Variants in APC observed in about 807,000 individuals in gnomAD.
The protein encoded by APC is adenomatous polyposis coli protein.
A neutral mutation model predicts 247.0 loss-of-function variants in APC; 72 were observed. That is an observed-to-expected ratio of 0.29 (90% CI 0.24 to 0.35). The LOEUF (loss-of-function observed/expected upper bound fraction) is 0.35. APC is among the 10% of genes least tolerant of loss of function. APC has a pLI of 1.00. For missense variants in APC, 3,400 were observed against 3,360.7 expected, an observed-to-expected ratio of 1.01 and a Z score of -0.29; for synonymous variants, 1,254 against 1,162.5, an observed-to-expected ratio of 1.08 and a Z score of -1.60.
chr5:112,777,981 G>A (rs114135009), intron 5 of APC: 2,384 of 186,674 alleles, frequency 0.013, 37 homozygotes, highest in Non-Finnish European at 0.014. Flanking sequence ...AATTAACCCT[G>A]AACCATCTAA....
intron 1 of APC, among the ~76,000 whole-genome samples, chr5:112,750,003 C>T (rs527853438): frequency 7.5e-6 from 1 of 132,658 alleles, no homozygotes; most frequent in Non-Finnish European, 1.5e-5. Flanking sequence ...TGCTCTGTCT[C>T]CCTGGCTGGA....
At chr5:112,807,598 T>G (rs925283219) in intron 8 of APC, among the ~76,000 whole-genome samples, 3 of 152,088 alleles carry the variant, frequency 2.0e-5, no homozygotes, top group Non-Finnish European at 4.4e-5. Flanking sequence ...TCTCTGGTAA[T>G]AGCCAGTATA....
At position 112,827,192 on chromosome 5, in the gene APC, G is replaced by C. The variant is rs1364012761; in HGVS notation, c.1493G>C (p.Arg498Thr). The C allele has an allele frequency of 3.1e-6, 5 of 1,613,792 alleles. No individual in the cohort carries two copies. The change falls in exon 12 of 16, where the codon AGA becomes ACA. Residue 498 changes from arginine to threonine, a missense_variant. Around this residue, in one of 9 missense-constraint regions of APC, gnomAD observed 199 missense variants for 212.5 expected, o/e 0.94. Coordinates refer to ENST00000257430, the MANE Select transcript of APC (RefSeq NM_000038.6). ...LTNDHYSITL[R>T]RYAGMALTNL... The stretch of plus-strand genomic sequence containing the variant: ...AATGACCACTACAGTATTACACTAA[G>C]ACGATATGCTGGAATGGCTTTGACA...
rs863224537 is a variant in APC at position 112,827,139 on chromosome 5, A to G, written c.1440A>G (p.Gln480=). 5 of 1,613,628 alleles carry G rather than the reference A, an allele frequency of 3.1e-6. No individual in the cohort carries two copies. In the Admixed American group the frequency reaches 5.0e-5, roughly 16 times the overall value. Reference sequence around the variant, plus strand: ...TACAGGCCATTGCAGAATTATTGCAAGTGGACTGTGAAATGTATGGGCTTA... The same window carrying G: ...TACAGGCCATTGCAGAATTATTGCAGGTGGACTGTGAAATGTATGGGCTTA... The part of the protein sequence containing the change: ...GGLQAIAELL[Q]VDCEMYGLTN... Residue 480 remains glutamine (Q), a synonymous_variant, in exon 12 of 16, where the codon CAA becomes CAG. Coordinates refer to ENST00000257430, the MANE Select transcript of APC (RefSeq NM_000038.6).
At chr5:112,733,704 A>G (rs1165505091), upstream of APC, among the ~76,000 whole-genome samples, 2 of 152,214 alleles carry the variant, frequency 1.3e-5, no homozygotes, top group Non-Finnish European at 2.9e-5. Context: ...GTGTTTTAAG[A>G]CACTAAATTT....
rs730881230 is a variant in APC, at chr5:112,775,612, TA to T, written c.423-4del. 0.16 allele frequency: 157,964 copies of T among 996,908 alleles called. 83 individuals are homozygous for T. Among genetic ancestry groups the T allele is most frequent in the South Asian group, 0.21 (11,221 of 53,640 alleles). 61.8% of individuals were successfully genotyped at this position (996,908 alleles called of 1,614,324 possible). On this transcript the variant is annotated splice_polypyrimidine_tract_variant and intron_variant, in intron 4 of 15. Transcript: ENST00000257430. ...AGCATTGTTTAAACGTACCTTTTTT[TA>T]AAAAAAAAAAAATAGGTCATTGCTT...
At chr5:112,779,467 A>G (rs546377211) in intron 5 of APC, among the ~76,000 whole-genome samples, 68 of 152,318 alleles carry the variant, frequency 4.5e-4, no homozygotes, top group Middle Eastern at 6.8e-3. Context: ...GATATATAAG[A>G]CATTATCAGG....
chr5:112,800,918 A>G (rs1428276937), intron 7 of APC, among the ~76,000 whole-genome samples: 1 of 152,156 alleles, frequency 6.6e-6, no homozygotes, highest in Non-Finnish European at 1.5e-5. Flanking sequence ...TTGTATTTGC[A>G]GCTCCATTAA....
chr5:112,832,196 A>C (rs1349060838), intron 14 of APC, among the ~76,000 whole-genome samples: 2 of 152,160 alleles, frequency 1.3e-5, no homozygotes, highest in Non-Finnish European at 2.9e-5. Flanking sequence ...CTGGCCCTTG[A>C]CATGTAGCCC....
chr5:112,750,077 C>T (rs1447654739), intron 1 of APC, among the ~76,000 whole-genome samples: 1 of 151,416 alleles, frequency 6.6e-6, no homozygotes, highest in African/African-American at 2.4e-5. Context: ...AGTCTCTCAC[C>T]TCAGCCTCCC....
At chr5:112,760,378 A>G (rs1479220101) in intron 2 of APC, among the ~76,000 whole-genome samples, 1 of 152,226 alleles carries the variant, frequency 6.6e-6, no homozygotes, top group Non-Finnish European at 1.5e-5. Context: ...TAGCAGGCGA[A>G]GTCCTGCTAG....
At chr5:112,768,113 G>A (rs1008109326) in intron 4 of APC, among the ~76,000 whole-genome samples, 1 of 147,400 alleles carries the variant, frequency 6.8e-6, no homozygotes, top group Non-Finnish European at 1.5e-5. Context: ...GCACAATCTC[G>A]GCTCACTGCA....
upstream of APC, among the ~76,000 whole-genome samples, chr5:112,732,904 G>A (rs1434026886): frequency 6.6e-6 from 1 of 152,220 alleles, no homozygotes; most frequent in East Asian, 1.9e-4. Flanking sequence ...AATTGTTTCA[G>A]TTTATAAAGC....
chr5:112,727,112 C>T (rs1751830783), intron 1 of APC, among the ~76,000 whole-genome samples: 1 of 151,700 alleles, frequency 6.6e-6, no homozygotes, highest in Non-Finnish European at 1.5e-5. Context: ...TTGCACCAAC[C>T]TACTCTTAGG....
chr5:112,799,503 C>G (rs1760573806), intron 7 of APC, among the ~76,000 whole-genome samples: 1 of 152,124 alleles, frequency 6.6e-6, no homozygotes, highest in Non-Finnish European at 1.5e-5. Context: ...GTGCCACTGT[C>G]TCACACTTAT....
chr5:112,785,705 A>G (rs1580398505), intron 6 of APC, among the ~76,000 whole-genome samples: 1 of 152,328 alleles, frequency 6.6e-6, no homozygotes, highest in East Asian at 1.9e-4. Context: ...TTTATATGAC[A>G]GAAGTTACAT....
chr5:112,754,966 G>C lies in APC; in HGVS notation c.76G>C (p.Glu26Gln), dbSNP rs1554067127. The C allele has an allele frequency of 8.1e-6, 13 of 1,613,628 alleles. No individual in the cohort carries two copies. Among genetic ancestry groups the C allele is most frequent in the Non-Finnish European group, 1.1e-5 (13 of 1,179,746 alleles). ...GATGGAGAACTCAAATCTTCGACAAGAGCTAGAAGATAATTCCAATCATCT... is the reference window on the plus strand; with the variant it reads ...GATGGAGAACTCAAATCTTCGACAACAGCTAGAAGATAATTCCAATCATCT... ...LKMENSNLRQ[E>Q]LEDNSNHLTK... The change falls in exon 2 of 16, where the codon GAG becomes CAG. Residue 26 changes from glutamate to glutamine, a missense_variant. This residue lies in a region of APC where 372 missense variants were observed against 367.6 expected (regional missense o/e 1.01). Coordinates refer to ENST00000257430, the MANE Select transcript of APC (RefSeq NM_000038.6).
Position 112,836,165 on chromosome 5 carries a change from T to TTCCCCCCCCCCCCCCCCCCCC in APC, c.1958+1000_1958+1001insTCCCCCCCCCCCCCCCCCCCC, listed in dbSNP as rs1554083526. On this transcript the variant is annotated intron_variant, in intron 15 of 15. Coordinates refer to ENST00000257430, the MANE Select transcript of APC (RefSeq NM_000038.6). ...CCTCCCGAGTAGCTGGGATTACAGG[T>TTCCCCCCCCCCCCCCCCCCCC]CCCCCCCCCCCCCCGCCACCGTGCC... 6.5e-4 allele frequency among the ~76,000 whole-genome samples: 16 copies of TTCCCCCCCCCCCCCCCCCCCC among 24,492 alleles called. 5 individuals are homozygous for TTCCCCCCCCCCCCCCCCCCCC. Among genetic ancestry groups the TTCCCCCCCCCCCCCCCCCCCC allele is most frequent in the Admixed American group, 4.4e-3 (5 of 1,124 alleles). 16.1% of individuals were successfully genotyped at this position (24,492 alleles called of 152,430 possible).
intron 1 of APC, among the ~76,000 whole-genome samples, chr5:112,713,408 A>G (rs1750975257): frequency 6.6e-6 from 1 of 152,134 alleles, no homozygotes; most frequent in Admixed American, 6.5e-5. Context: ...TCTCTTAATT[A>G]GGCAACTAAA....
Sources: allele counts gnomAD v4.1 joint callset (sites outside exome capture counted in the v4.1 genomes callset), GRCh38; gene constraint gnomAD v4.1.1; regional missense constraint gnomAD v4.1.1; transcripts MANE v1.5; gene names NCBI Gene and HGNC (gene_info 2026-07-23, HGNC 2026-07-21).